PEBP4: variants seen among roughly 807,000 people sequenced by gnomAD.
PEBP4 encodes phosphatidylethanolamine binding protein 4, also known as phosphatidylethanolamine-binding protein 4.
PEBP4 carries 22 observed loss-of-function variants against 23.9 expected under a neutral mutation model. That is an observed-to-expected ratio of 0.92 (90% CI 0.66 to 1.31). PEBP4 has a LOEUF of 1.31. Among genes scored for constraint, PEBP4 ranks in the 40% most tolerant of loss-of-function variants. PEBP4 has a pLI of 0.00. For synonymous variants in PEBP4, 112 were observed against 99.3 expected (o/e 1.13, Z -0.76); for missense variants, 324 against 281.7 (o/e 1.15, Z -1.07).
At chr8:22,904,875 A>G (rs1168510897) in intron 3 of PEBP4, among the ~76,000 whole-genome samples, 1 of 152,148 alleles carries the variant, frequency 6.6e-6, no homozygotes, top group Non-Finnish European at 1.5e-5. Flanking sequence ...TAACCAATCT[A>G]TTGTTGAACA....
At chr8:22,876,561 A>T (rs1488106888) in intron 3 of PEBP4, among the ~76,000 whole-genome samples, 3 of 152,214 alleles carry the variant, frequency 2.0e-5, no homozygotes. Context: ...CCATCCAGTG[A>T]TGAAGGCACT....
chr8:22,761,041 AG>A (rs1805497209), intron 4 of PEBP4, among the ~76,000 whole-genome samples: 1 of 152,074 alleles, frequency 6.6e-6, no homozygotes, highest in African/African-American at 2.4e-5. Context: ...GCCAGCGGGG[AG>A]GCGGGCATCA....
intron 4 of PEBP4, among the ~76,000 whole-genome samples, chr8:22,743,711 A>C (rs1388685819): frequency 6.6e-6 from 1 of 152,202 alleles, no homozygotes; most frequent in East Asian, 1.9e-4. Flanking sequence ...CCTGATTCTT[A>C]AGAGTGTCAA....
At chr8:22,807,768 A>C (rs1391831624) in intron 4 of PEBP4, among the ~76,000 whole-genome samples, 1 of 151,884 alleles carries the variant, frequency 6.6e-6, no homozygotes, top group East Asian at 1.9e-4. Flanking sequence ...CCCCATCCAT[A>C]TATCTGTCCA....
chr8:22,913,752 CT>C (rs1809001699), intron 3 of PEBP4, among the ~76,000 whole-genome samples: 1 of 152,230 alleles, frequency 6.6e-6, no homozygotes, highest in South Asian at 2.1e-4. Flanking sequence ...CAGTCGACCC[CT>C]CAACCCCTCC....
chr8:22,867,706 G>A (rs1807934271), intron 3 of PEBP4, among the ~76,000 whole-genome samples: 2 of 152,120 alleles, frequency 1.3e-5, no homozygotes, highest in South Asian at 2.1e-4. Flanking sequence ...CAGCTTCTCC[G>A]CAGATTCTGA....
At chr8:22,808,917 A>T (rs1202426909) in intron 4 of PEBP4, among the ~76,000 whole-genome samples, 1 of 152,144 alleles carries the variant, frequency 6.6e-6, no homozygotes, top group Non-Finnish European at 1.5e-5. Context: ...CAGACAATCA[A>T]TCCTAATGGC....
chr8:22,935,507 C>T (rs971745980), intron 1 of PEBP4, among the ~76,000 whole-genome samples: 1 of 152,248 alleles, frequency 6.6e-6, no homozygotes, highest in Non-Finnish European at 1.5e-5. Context: ...GCCTGGGCAG[C>T]AGAGTGAGAC....
chr8:22,835,862 G>A (rs10094178), intron 3 of PEBP4, among the ~76,000 whole-genome samples: 3,530 of 152,278 alleles, frequency 0.023, 134 homozygotes, highest in African/African-American at 0.081. Flanking sequence ...TCAATGACCG[G>A]CTCTTCAGGC....
chr8:22,883,402 C>T (rs1808304533), intron 3 of PEBP4, among the ~76,000 whole-genome samples: 1 of 152,122 alleles, frequency 6.6e-6, no homozygotes, highest in African/African-American at 2.4e-5. Context: ...CTCAAACCCA[C>T]TCAAAAACCC....
chr8:22,784,603 C>T (rs1026593687), intron 4 of PEBP4, among the ~76,000 whole-genome samples: 1 of 152,182 alleles, frequency 6.6e-6, no homozygotes, highest in African/African-American at 2.4e-5. Context: ...ATTTAGCGCA[C>T]GCCTTGTTAG....
intron 4 of PEBP4, among the ~76,000 whole-genome samples, chr8:22,729,219 C>G: frequency 6.6e-6 from 1 of 152,264 alleles, no homozygotes; most frequent in Non-Finnish European, 1.5e-5. Flanking sequence ...CTAGCAGCCA[C>G]TCTCCCTACA....
intron 4 of PEBP4, among the ~76,000 whole-genome samples, chr8:22,803,706 T>G (rs2128759248): frequency 6.6e-6 from 1 of 152,242 alleles, no homozygotes; most frequent in South Asian, 2.1e-4. Context: ...AAGGCATCTC[T>G]GAGTGAACAT....
chr8:22,727,614 C>T (rs758962000), intron 4 of PEBP4, among the ~76,000 whole-genome samples: 26 of 152,094 alleles, frequency 1.7e-4, no homozygotes, highest in Non-Finnish European at 2.1e-4. Flanking sequence ...CTAAGGGAGG[C>T]GCTTAGGTCT....
intron 4 of PEBP4, among the ~76,000 whole-genome samples, chr8:22,780,286 A>G (rs147613237): frequency 5.3e-4 from 81 of 152,276 alleles, no homozygotes; most frequent in African/African-American, 1.5e-3. Flanking sequence ...ATCTTGAGGC[A>G]GGAGAGGAAT....
intron 1 of PEBP4, among the ~76,000 whole-genome samples, chr8:22,934,608 G>T (rs1309537361): frequency 6.6e-6 from 1 of 152,158 alleles, no homozygotes; most frequent in Non-Finnish European, 1.5e-5. Flanking sequence ...AGGCTGAGGT[G>T]AGAGGATCAC....
chr8:22,790,838 G>A (rs1806122669), intron 4 of PEBP4, among the ~76,000 whole-genome samples: 1 of 152,120 alleles, frequency 6.6e-6, no homozygotes, highest in East Asian at 1.9e-4. Context: ...CAAGAACTAT[G>A]TATAGATATT....
chr8:22,889,124 T>C (rs977785532), intron 3 of PEBP4, among the ~76,000 whole-genome samples: 3 of 152,152 alleles, frequency 2.0e-5, no homozygotes, highest in African/African-American at 2.4e-5. Context: ...ACCTCGAAAA[T>C]GACTTGATTT....
At chr8:22,816,100 T>TG (rs545922855) in intron 4 of PEBP4, among the ~76,000 whole-genome samples, 152 of 152,276 alleles carry the variant, frequency 1.0e-3, no homozygotes, top group African/African-American at 3.4e-3. Flanking sequence ...GCTCTAGCCT[T>TG]GGGGGGTGAG....
Sources: gnomAD v4.1 joint callset for allele counts (sites outside exome capture counted in the v4.1 genomes callset) on GRCh38, gnomAD v4.1.1 for gene constraint, MANE v1.5 for transcripts, NCBI Gene and HGNC (gene_info 2026-07-23, HGNC 2026-07-21) for gene names.